Variants in HIVEP3 observed in about 807,000 individuals in gnomAD.
The protein encoded by HIVEP3 is HIVEP zinc finger 3, also known as transcription factor HIVEP3.
HIVEP3 carries 49 observed loss-of-function variants against 152.8 expected under a neutral mutation model. That is an observed-to-expected ratio of 0.32 (90% CI 0.26 to 0.41). HIVEP3 has a LOEUF of 0.41. Among genes scored for constraint, HIVEP3 ranks in the 10% least tolerant of loss-of-function variants. The probability of loss-of-function intolerance (pLI) is 1.00; values close to 1 mark genes in which losing one functional copy is unlikely to be tolerated. For missense variants in HIVEP3, 2,790 were observed against 3,103.3 expected (o/e 0.90, Z 2.40); for synonymous variants, 1,269 against 1,289.0 (o/e 0.98, Z 0.33).
intron 1 of HIVEP3, among the ~76,000 whole-genome samples, chr1:41,790,171 G>A (rs924085105): frequency 6.6e-6 from 1 of 152,158 alleles, no homozygotes; most frequent in Non-Finnish European, 1.5e-5. Context: ...GTGGAGGTAA[G>A]GCCTAGTGGG....
chr1:41,910,928 T>C (rs1443908548), intron 1 of HIVEP3, among the ~76,000 whole-genome samples: 1 of 152,040 alleles, frequency 6.6e-6, no homozygotes, highest in Non-Finnish European at 1.5e-5. Context: ...GCTTAAACGT[T>C]TAGAAGACCA....
chr1:41,772,134 A>C (rs956734744), intron 1 of HIVEP3, among the ~76,000 whole-genome samples: 11 of 152,184 alleles, frequency 7.2e-5, no homozygotes, highest in African/African-American at 2.7e-4. Flanking sequence ...ACCAGAAGCC[A>C]CTAAAAAGGC....
At chr1:41,685,413 T>A (rs1646099779) in intron 2 of HIVEP3, among the ~76,000 whole-genome samples, 1 of 152,182 alleles carries the variant, frequency 6.6e-6, no homozygotes, top group Non-Finnish European at 1.5e-5. Flanking sequence ...GTACAAGTCT[T>A]TGTTTCCTTG....
intron 1 of HIVEP3, among the ~76,000 whole-genome samples, chr1:41,866,166 G>A (rs1643968659): frequency 1.3e-5 from 2 of 152,208 alleles, no homozygotes; most frequent in African/African-American, 2.4e-5. Context: ...GGTCAAAGTG[G>A]GGGGTGCAGC....
chr1:41,682,684 G>T (rs1046599777), intron 2 of HIVEP3, among the ~76,000 whole-genome samples: 4 of 152,114 alleles, frequency 2.6e-5, no homozygotes, highest in African/African-American at 4.8e-5. Context: ...GAAGTCTTAA[G>T]GGGGCTCAGT....
At chr1:41,883,981 G>A (rs1255450350) in intron 1 of HIVEP3, among the ~76,000 whole-genome samples, 1 of 152,166 alleles carries the variant, frequency 6.6e-6, no homozygotes, top group Non-Finnish European at 1.5e-5. Context: ...CTTTTCTTTT[G>A]AGATGGAGTC....
chr1:41,594,786 T>C (rs562677740), intron 3 of HIVEP3, among the ~76,000 whole-genome samples: 1 of 152,318 alleles, frequency 6.6e-6, no homozygotes, highest in Admixed American at 6.5e-5. Context: ...TCACATCCAA[T>C]ATTACTTTTT....
At chr1:41,947,548 A>C (rs1645082182) in intron 1 of HIVEP3, among the ~76,000 whole-genome samples, 1 of 152,250 alleles carries the variant, frequency 6.6e-6, no homozygotes, top group Non-Finnish European at 1.5e-5. Context: ...CTAATTAAGG[A>C]AACTCAGAAA....
chr1:41,580,623 G>T lies in HIVEP3; in HGVS notation c.4175C>A (p.Pro1392Gln). 2 of 1,614,134 alleles carry T rather than the reference G, an allele frequency of 1.2e-6. No individual in the cohort carries two copies. The highest frequency in any genetic ancestry group is 1.7e-6 in the Non-Finnish European group (2 of 1,180,036). The part of the protein sequence containing the change: ...GLSEEQSRAF[P>Q]TPYLRVPVTL... ...CACAGGCACTCTCAGGTATGGAGTTGGGAAAGCTCTGCTTTGCTCTTCACT... is the reference window on the plus strand; with the variant it reads ...CACAGGCACTCTCAGGTATGGAGTTTGGAAAGCTCTGCTTTGCTCTTCACT... The change falls in exon 4 of 9, where the codon CCA (proline) becomes CAA (glutamine). Residue 1392 changes from proline to glutamine, a missense_variant. By Grantham distance (76) the Pro-to-Gln change is moderately conservative. This residue lies in a region of HIVEP3 where 1,078 missense variants were observed against 1,165.3 expected (regional missense o/e 0.93). Transcript: ENST00000372583.
At chr1:41,803,107 C>G (rs1558282789) in intron 1 of HIVEP3, among the ~76,000 whole-genome samples, 1 of 152,208 alleles carries the variant, frequency 6.6e-6, no homozygotes, top group Non-Finnish European at 1.5e-5. Flanking sequence ...CTGGCCAAAG[C>G]CAAGGCAGGC....
intron 3 of HIVEP3, among the ~76,000 whole-genome samples, chr1:41,607,618 A>G (rs1196359861): frequency 6.7e-6 from 1 of 149,610 alleles, no homozygotes; most frequent in East Asian, 2.0e-4. Context: ...TTTCCATTTT[A>G]GGCCTTCTCT....
chr1:41,895,291 C>G (rs1384498176), intron 1 of HIVEP3, among the ~76,000 whole-genome samples: 1 of 152,160 alleles, frequency 6.6e-6, no homozygotes. Flanking sequence ...TCCATCTGCC[C>G]ACTTTGGTCT....
chr1:41,905,920 G>A (rs183143089), intron 1 of HIVEP3, among the ~76,000 whole-genome samples: 2 of 152,280 alleles, frequency 1.3e-5, no homozygotes, highest in Non-Finnish European at 2.9e-5. Flanking sequence ...AGCTGAGGAG[G>A]CACAAAGACC....
intron 3 of HIVEP3, among the ~76,000 whole-genome samples, chr1:41,617,424 C>A (rs1034594332): frequency 2.6e-5 from 4 of 152,188 alleles, no homozygotes; most frequent in Admixed American, 2.0e-4. Context: ...CATCTCTGAC[C>A]CTTTTTCTCC....
chr1:41,968,223 A>T (rs371151275), intron 1 of HIVEP3, among the ~76,000 whole-genome samples: 4,706 of 152,042 alleles, frequency 0.031, 101 homozygotes, highest in Non-Finnish European at 0.044. Flanking sequence ...CCTGATAGAG[A>T]TACAACCTGG....
chr1:41,656,770 G>T (rs889439349), intron 2 of HIVEP3, among the ~76,000 whole-genome samples: 7 of 152,302 alleles, frequency 4.6e-5, no homozygotes, highest in Middle Eastern at 3.4e-3. Flanking sequence ...GAAACACAGA[G>T]AACTTAAAAA....
rs904064507 is a variant in HIVEP3 at position 41,533,364 on chromosome 1, C to T, written c.5208-8454G>A. Among the ~76,000 whole-genome samples, 3 of 152,158 alleles carry T rather than the reference C, an allele frequency of 2.0e-5. No homozygotes were observed. Among genetic ancestry groups the T allele is most frequent in the African/African-American group, 7.2e-5 (3 of 41,436 alleles). The stretch of plus-strand genomic sequence containing the variant: ...CAGTGTCATTGCCTCCCTCTCCTAG[C>T]CCCTTCCACCACCACAGACACAAGC... On this transcript the variant is annotated intron_variant, in intron 5 of 8. Transcript: ENST00000372583. The surrounding 1 kb of genome is among the most constrained non-coding windows in gnomAD (Gnocchi z 4.3).
At chr1:41,642,739 C>T (rs1446345280) in intron 2 of HIVEP3, among the ~76,000 whole-genome samples, 2 of 152,186 alleles carry the variant, frequency 1.3e-5, no homozygotes, top group African/African-American at 4.8e-5. Flanking sequence ...TTACTAACCC[C>T]GTCGACAGGG....
At chr1:41,711,418 C>G (rs1050737858) in intron 1 of HIVEP3, among the ~76,000 whole-genome samples, 1 of 152,198 alleles carries the variant, frequency 6.6e-6, no homozygotes, top group African/African-American at 2.4e-5. Flanking sequence ...CCACCACCAC[C>G]CAGCAGACAC....
Sources: gnomAD v4.1 joint callset for allele counts (sites outside exome capture counted in the v4.1 genomes callset) on GRCh38, gnomAD v4.1.1 for gene constraint, gnomAD v4.1.1 regional missense constraint, Gnocchi (gnomAD v3.1) non-coding constraint, MANE v1.5 for transcripts, NCBI Gene and HGNC (gene_info 2026-07-23, HGNC 2026-07-21) for gene names.